NLRC5: variants seen among roughly 807,000 people sequenced by gnomAD.
NLRC5 encodes protein NLRC5.
In NLRC5, 114 loss-of-function variants were observed where a neutral mutation model predicts 206.9. That is an observed-to-expected ratio of 0.55 (90% CI 0.47 to 0.64). NLRC5 has a LOEUF of 0.64. Ranked by LOEUF, NLRC5 falls within the 30% of genes least tolerant of loss-of-function variation. The probability of loss-of-function intolerance (pLI) is 0.00; values close to 1 mark genes in which losing one functional copy is unlikely to be tolerated. For missense variants in NLRC5, 2,008 were observed against 2,305.5 expected (o/e 0.87, Z 2.64); for synonymous variants, 952 against 962.8 (o/e 0.99, Z 0.21).
intron 1 of NLRC5, among the ~76,000 whole-genome samples, chr16:56,997,215 G>T (rs531242077): frequency 1.3e-5 from 2 of 152,086 alleles, no homozygotes. Context: ...ACTTCTTGGA[G>T]CCTGTTTCTT....
chr16:57,036,220 G>T (rs767602967), intron 14 of NLRC5, 37 bp downstream of exon 14: 2 of 1,588,180 alleles, frequency 1.3e-6, no homozygotes, highest in Non-Finnish European at 8.6e-7. Flanking sequence ...ACCAGGGAAG[G>T]CCCTGTAGAG....
intron 30 of NLRC5, 67 bp downstream of exon 30, chr16:57,059,599 C>T: frequency 7.0e-7 from 1 of 1,423,866 alleles, no homozygotes; most frequent in Non-Finnish European, 9.5e-7. Context: ...ATGGCGGCCT[C>T]CATGGCCCCC....
intron 43 of NLRC5, 151 bp from the exon 44 acceptor site, chr16:57,078,899 A>G: frequency 1.5e-6 from 1 of 689,316 alleles, no homozygotes; most frequent in Non-Finnish European, 2.5e-6. Context: ...CCCCAAAGCC[A>G]GGGTCCTTGA....
chr16:57,022,516 C>A (rs2060789786), intron 4 of NLRC5, among the ~76,000 whole-genome samples: 1 of 152,222 alleles, frequency 6.6e-6, no homozygotes, highest in Admixed American at 6.5e-5. Flanking sequence ...CCTGCAGTGA[C>A]TTTCAAGGCT....
intron 22 of NLRC5, 61 bp from the exon 23 acceptor site, chr16:57,047,484 G>A: frequency 6.9e-7 from 1 of 1,439,992 alleles, no homozygotes; most frequent in South Asian, 1.2e-5. Flanking sequence ...AGAGCCCCTG[G>A]GGCTAGCCAG....
chr16:57,061,680 C>G lies in NLRC5; in HGVS notation c.4133C>G (p.Pro1378Arg). Residue 1378 changes from proline (P) to arginine (R), a missense_variant, in exon 32 of 49, where the codon CCC (proline) becomes CGC (arginine). Coordinates refer to ENST00000688547, the MANE Select transcript of NLRC5 (RefSeq NM_001384950.1). ...LAILLSLVGR[P>R]AGLFSLRVQE... ...ATCCTCCTGAGCTTGGTGGGGCGACCCGCAGGGCTGTTCAGCCTCAGGTAC... is the reference window on the plus strand; with the variant it reads ...ATCCTCCTGAGCTTGGTGGGGCGACGCGCAGGGCTGTTCAGCCTCAGGTAC... 3 of 1,607,890 alleles carry G rather than the reference C, an allele frequency of 1.9e-6. No homozygotes were observed. The highest frequency in any genetic ancestry group is 2.5e-6 in the Non-Finnish European group (3 of 1,178,702).
At chr16:56,990,342 C>T (rs1457920387) in intron 1 of NLRC5, among the ~76,000 whole-genome samples, 2 of 152,228 alleles carry the variant, frequency 1.3e-5, no homozygotes, top group Admixed American at 1.3e-4. Flanking sequence ...CACAGTACCA[C>T]CAGCATACTA....
intron 28 of NLRC5, among the ~76,000 whole-genome samples, chr16:57,058,713 T>C (rs2066016093): frequency 6.6e-6 from 1 of 152,200 alleles, no homozygotes; most frequent in Non-Finnish European, 1.5e-5. Context: ...AGCCTGGCCT[T>C]GCCAGTGCCC....
At chr16:57,006,813 C>A (rs950261747) in intron 1 of NLRC5, among the ~76,000 whole-genome samples, 2 of 151,614 alleles carry the variant, frequency 1.3e-5, no homozygotes, top group South Asian at 2.1e-4. Context: ...TACATGTCCA[C>A]GGATGAATTT....
chr16:57,079,288 A>T lies in NLRC5; in HGVS notation c.5233A>T (p.Ile1745Leu), dbSNP rs2068826769. 4.3e-6 allele frequency: 7 copies of T among 1,613,344 alleles called. No individual in the cohort carries two copies. The highest frequency in any genetic ancestry group is 5.9e-6 in the Non-Finnish European group (7 of 1,179,984). ...TATGGAGCTCCCGCTGCTCAGACAG[A>T]TAGAGTAAGTAGCCTCCCCTGCCTG... The part of the protein sequence containing the change: ...FCMELPLLRQ[I>L]DLVSCKIDNQ... Residue 1745 changes from isoleucine (I) to leucine (L), a missense_variant, in exon 45 of 49, where the codon ATA (isoleucine) becomes TTA (leucine). Coordinates refer to ENST00000688547, the MANE Select transcript of NLRC5 (RefSeq NM_001384950.1).
At position 57,030,016 on chromosome 16, in the gene NLRC5, C is replaced by A; in HGVS notation, c.2349C>A (p.Cys783Ter). Residue 783 changes from cysteine to a stop codon, truncating the protein, a stop_gained, in exon 10 of 49, where the codon TGC becomes TGA. Transcript: ENST00000688547. LOFTEE classifies it high-confidence loss of function. Reference sequence around the variant, plus strand: ...GCAGCCTGAGCAGCAACAGCATCTGCGTGTCAACCCTACTCTGCTTGGCAA... The same window carrying A: ...GCAGCCTGAGCAGCAACAGCATCTGAGTGTCAACCCTACTCTGCTTGGCAA... ...RKLDLSSNSI[C>*]VSTLLCLARV... The A allele has an allele frequency of 6.2e-7, 1 of 1,614,128 alleles. No homozygotes were observed. Among genetic ancestry groups the A allele is most frequent in the Non-Finnish European group, 8.5e-7 (1 of 1,180,016 alleles).
rs1364861290 is a variant in NLRC5, at chr16:57,079,471, C to T, written c.5238-75C>T. 5 of 1,408,880 alleles carry T rather than the reference C, an allele frequency of 3.5e-6. No individual in the cohort carries two copies. The African/African-American group carries it at 5.6e-5, about 16-fold the overall frequency. The allele number at this position is 1,408,880 out of a possible 1,614,324, so 87.3% of individuals were successfully genotyped here. A position where few individuals can be genotyped will look rare whatever the true frequency, so the allele number is the denominator to read the frequency against. ...CCTAGCTTACCCCAGACCCTGGTGGCTCTGGAGGCAGGACCTGCTAGATCC... is the reference window on the plus strand; with the variant it reads ...CCTAGCTTACCCCAGACCCTGGTGGTTCTGGAGGCAGGACCTGCTAGATCC... On this transcript the variant is annotated intron_variant, in intron 45 of 48. Transcript: ENST00000688547.
chr16:57,070,687 G>T lies in NLRC5; in HGVS notation c.4667+69G>T. ...GTTAATGGATGGTGGAAGTGGGTGA[G>T]TGGTGGGGTTGGTTAATGGATGGTG... is the stretch of plus-strand genomic sequence containing the variant. On this transcript the variant is annotated intron_variant, in intron 38 of 48. Coordinates refer to ENST00000688547, the MANE Select transcript of NLRC5 (RefSeq NM_001384950.1). 7.3e-6 allele frequency: 10 copies of T among 1,361,512 alleles called. No individual in the cohort carries two copies. The South Asian group carries it at 1.2e-4, about 16-fold the overall frequency. 84.3% of individuals were successfully genotyped at this position (1,361,512 alleles called of 1,614,324 possible). A position where few individuals can be genotyped will look rare whatever the true frequency, so the allele number is the denominator to read the frequency against.
intron 2 of NLRC5, among the ~76,000 whole-genome samples, chr16:57,019,193 T>G (rs1157377233): frequency 1.3e-5 from 2 of 152,136 alleles, no homozygotes; most frequent in Non-Finnish European, 2.9e-5. Context: ...GTCAGGAGTT[T>G]GAGCCCAGCC....
intron 36 of NLRC5, among the ~76,000 whole-genome samples, chr16:57,068,141 C>T (rs545600114): frequency 3.3e-5 from 5 of 152,268 alleles, no homozygotes; most frequent in Admixed American, 2.0e-4. Context: ...CCCAAATTCA[C>T]CCTTAGAGCT....
At chr16:57,034,465 C>G (rs1202201296) in intron 13 of NLRC5, 1 of 553,672 alleles carries the variant, frequency 1.8e-6, no homozygotes, top group Admixed American at 3.1e-5. Context: ...CGCATTCACT[C>G]CTCACATCTC....
chr16:57,064,089 G>A (rs2066834637), intron 32 of NLRC5, among the ~76,000 whole-genome samples: 1 of 152,048 alleles, frequency 6.6e-6, no homozygotes, highest in South Asian at 2.1e-4. Flanking sequence ...AATATTGGTT[G>A]GGGGAAGTGG....
chr16:57,040,859 G>T, intron 17 of NLRC5, 141 bp downstream of exon 17: 1 of 795,972 alleles, frequency 1.3e-6, no homozygotes, highest in Non-Finnish European at 2.1e-6. Flanking sequence ...TCATGGCCTG[G>T]CTTCCCTACC....
At chr16:57,061,920 A>G (rs988372718) in intron 32 of NLRC5, 4 of 1,520,994 alleles carry the variant, frequency 2.6e-6, no homozygotes, top group Non-Finnish European at 3.5e-6. Context: ...GTGCTTTGGG[A>G]TTTAAGAAAA....
Sources: allele counts gnomAD v4.1 joint callset (sites outside exome capture counted in the v4.1 genomes callset), GRCh38; gene constraint gnomAD v4.1.1; transcripts MANE v1.5; gene names NCBI Gene and HGNC (gene_info 2026-07-23, HGNC 2026-07-21).